The following WDR19 variants were observed in gnomAD, a reference collection of about 807,000 sequenced individuals.
The protein encoded by WDR19 is WD repeat-containing protein 19.
Under a neutral mutation model 180.0 loss-of-function variants are expected in WDR19, and 121 were observed. The observed-to-expected ratio is 0.67, with a 90% CI of 0.58 to 0.78. The LOEUF is 0.78. Among genes scored for constraint, WDR19 ranks in the 30% least tolerant of loss-of-function variants. WDR19 has a pLI of 0.00. For synonymous variants in WDR19, 497 were observed against 540.7 expected (o/e 0.92, Z 1.12); for missense variants, 1,450 against 1,640.7 (o/e 0.88, Z 2.01).
intron 9 of WDR19, among the ~76,000 whole-genome samples, chr4:39,213,697 T>C (rs978887971): frequency 3.3e-5 from 5 of 152,172 alleles, no homozygotes; most frequent in Non-Finnish European, 7.3e-5. Flanking sequence ...TGTGAGAAAG[T>C]TACTAAACAC....
intron 4 of WDR19, among the ~76,000 whole-genome samples, chr4:39,192,547 G>A (rs1268989965): frequency 6.6e-6 from 1 of 152,162 alleles, no homozygotes; most frequent in Non-Finnish European, 1.5e-5. Flanking sequence ...TTGGCTCACT[G>A]CAACCTCTAC....
intron 6 of WDR19, among the ~76,000 whole-genome samples, chr4:39,200,482 A>G (rs1316551536): frequency 6.6e-6 from 1 of 152,114 alleles, no homozygotes; most frequent in East Asian, 1.9e-4. Flanking sequence ...CTCCAAGCTC[A>G]CTTACATGGG....
chr4:39,212,957 C>G (rs1183927054), intron 9 of WDR19, among the ~76,000 whole-genome samples: 1 of 152,022 alleles, frequency 6.6e-6, no homozygotes. Flanking sequence ...ATAGATTTCA[C>G]CAAATAATAA....
At chr4:39,261,298 CTCTT>C (rs1352065397) in intron 28 of WDR19, among the ~76,000 whole-genome samples, 1 of 152,000 alleles carries the variant, frequency 6.6e-6, no homozygotes, top group Non-Finnish European at 1.5e-5. Flanking sequence ...GGCCTGGTCT[CTCTT>C]TTTATGGTGT....
chr4:39,236,382 A>G (rs1273501891), intron 20 of WDR19, among the ~76,000 whole-genome samples: 1 of 152,136 alleles, frequency 6.6e-6, no homozygotes, highest in Non-Finnish European at 1.5e-5. Context: ...TGGAGGCCAA[A>G]AAGAAGTAAC....
At chr4:39,194,280 G>A (rs998765319) in intron 4 of WDR19, among the ~76,000 whole-genome samples, 6 of 152,062 alleles carry the variant, frequency 3.9e-5, no homozygotes, top group Non-Finnish European at 8.8e-5. Flanking sequence ...CTCATCATAG[G>A]TCATCTCATG....
At position 39,253,914 on chromosome 4, in the gene WDR19, T is replaced by G; in HGVS notation, c.2885T>G (p.Leu962Arg). 1 of 1,598,286 alleles carries G rather than the reference T, an allele frequency of 6.3e-7. No homozygotes were observed. The highest frequency in any genetic ancestry group is 8.5e-7 in the Non-Finnish European group (1 of 1,172,046). The change falls in exon 26 of 37, where the codon CTA becomes CGA. Residue 962 changes from leucine to arginine, a missense_variant. Leu to Arg is a moderately radical substitution (Grantham distance 102). Transcript: ENST00000399820. ...AAAGTACTTTGCTTTAGGTTTTTTC[T>G]ACAGCTTGGTGACTATGGGTCTGCC... The part of the protein sequence containing the change: ...DGAKMVARFF[L>R]QLGDYGSAIQ...
chr4:39,232,357 G>A lies in WDR19; in HGVS notation c.2253+85G>A, dbSNP rs11729098. 0.32 allele frequency: 353,042 copies of A among 1,118,130 alleles called. 56,214 individuals are homozygous for A. Among genetic ancestry groups the A allele is most frequent in the African/African-American group, 0.37 (23,671 of 64,420 alleles). The allele number at this position is 1,118,130 out of a possible 1,614,324, so 69.3% of individuals were successfully genotyped here. A position where few individuals can be genotyped will look rare whatever the true frequency, so the allele number is the denominator to read the frequency against. On this transcript the variant is annotated intron_variant, in intron 19 of 36. Transcript: ENST00000399820. ...AAAAAAAATGGGGCCGGGTGCAGCC[G>A]CTCACGCCTCTAATTCCAGCACTTT...
intron 24 of WDR19, among the ~76,000 whole-genome samples, chr4:39,249,082 A>G (rs1171958916): frequency 6.6e-6 from 1 of 152,042 alleles, no homozygotes. Context: ...AAAATTGACC[A>G]CATAGTTGGA....
Position 39,228,367 on chromosome 4 carries a change from CCCTT to C in WDR19, c.1777+11_1777+14del. On this transcript the variant is annotated intron_variant, in intron 16 of 36. Transcript: ENST00000399820. ...AAGGACACTATACAAGGTACTAAAC[CCCTT>C]TTGTGTATATTCGCTGACAGATGAA... is the stretch of plus-strand genomic sequence containing the variant. The C allele has an allele frequency of 6.2e-7, 1 of 1,604,586 alleles. No individual in the cohort carries two copies. Among genetic ancestry groups the C allele is most frequent in the Non-Finnish European group, 8.5e-7 (1 of 1,173,652 alleles).
chr4:39,188,089 G>A (rs1378748183), intron 3 of WDR19, among the ~76,000 whole-genome samples: 2 of 152,062 alleles, frequency 1.3e-5, no homozygotes, highest in Non-Finnish European at 2.9e-5. Context: ...CATCAGAGAA[G>A]AAAAGGTAAA....
chr4:39,271,623 TTA>T (rs919832124), intron 31 of WDR19, among the ~76,000 whole-genome samples: 2 of 152,190 alleles, frequency 1.3e-5, no homozygotes, highest in African/African-American at 4.8e-5. Context: ...ATGTGTACAT[TTA>T]TATATATACA....
chr4:39,257,021 A>T (rs552374639), intron 27 of WDR19, among the ~76,000 whole-genome samples: 7 of 152,312 alleles, frequency 4.6e-5, no homozygotes, highest in African/African-American at 1.4e-4. Context: ...CAGGAATTAG[A>T]CAATTATAAC....
intron 31 of WDR19, among the ~76,000 whole-genome samples, chr4:39,272,079 G>A (rs1430796051): frequency 6.6e-6 from 1 of 152,192 alleles, no homozygotes; most frequent in Non-Finnish European, 1.5e-5. Flanking sequence ...CAGAGAGGCA[G>A]GAGGATCCTT....
chr4:39,239,200 A>G (rs1731663571), intron 20 of WDR19, among the ~76,000 whole-genome samples: 2 of 151,058 alleles, frequency 1.3e-5, no homozygotes, highest in Admixed American at 1.3e-4. Flanking sequence ...CTGGTCTTGA[A>G]CTCCTGACCT....
chr4:39,220,743 C>T (rs1387024084), intron 14 of WDR19, among the ~76,000 whole-genome samples: 1 of 150,466 alleles, frequency 6.6e-6, no homozygotes, highest in African/African-American at 2.4e-5. Flanking sequence ...CTCCTGACCT[C>T]GTGATCCACC....
intron 3 of WDR19, among the ~76,000 whole-genome samples, chr4:39,187,415 A>C (rs954567589): frequency 1.4e-5 from 2 of 142,490 alleles, no homozygotes; most frequent in African/African-American, 2.6e-5. Context: ...ACGAGACTCC[A>C]TCTCAAAAAA....
intron 6 of WDR19, 130 bp downstream of exon 6, chr4:39,199,723 C>T (rs925378307): frequency 1.6e-6 from 1 of 634,352 alleles, no homozygotes; most frequent in South Asian, 2.5e-5. Flanking sequence ...TGTGTGTATA[C>T]ACAATAACTT....
intron 9 of WDR19, among the ~76,000 whole-genome samples, chr4:39,211,320 C>T (rs2109313958): frequency 6.6e-6 from 1 of 152,316 alleles, no homozygotes; most frequent in East Asian, 1.9e-4. Context: ...CTCAACCTAG[C>T]ATTAGAAGTT....
Sources: allele counts gnomAD v4.1 joint callset (sites outside exome capture counted in the v4.1 genomes callset), GRCh38; gene constraint gnomAD v4.1.1; transcripts MANE v1.5; gene names NCBI Gene and HGNC (gene_info 2026-07-23, HGNC 2026-07-21).